The following SNX20 variants were observed in gnomAD, a reference collection of about 807,000 sequenced individuals.
SNX20 encodes sorting nexin-20.
In SNX20, 21 loss-of-function variants were observed where a neutral mutation model predicts 24.5. That is an observed-to-expected ratio of 0.86 (90% CI 0.61 to 1.23). The LOEUF is 1.23. Among genes scored for constraint, SNX20 ranks in the 50% most tolerant of loss-of-function variants. The pLI, the probability that SNX20 is intolerant of heterozygous loss-of-function variation, is 0.00. For missense variants in SNX20, 433 were observed against 430.8 expected, an observed-to-expected ratio of 1.00 and a Z score of -0.04; for synonymous variants, 206 against 192.8, an observed-to-expected ratio of 1.07 and a Z score of -0.57.
downstream of SNX20, chr16:50,668,312 T>C (rs1962962582): frequency 2.2e-6 from 3 of 1,335,944 alleles, no homozygotes; most frequent in Non-Finnish European, 2.9e-6. Flanking sequence ...CTCAGCTTGG[T>C]GATTGCAGGT....
intron 1 of SNX20, among the ~76,000 whole-genome samples, chr16:50,680,752 T>C (rs929409179): frequency 6.6e-5 from 10 of 151,888 alleles, no homozygotes; most frequent in African/African-American, 2.4e-4. Context: ...CCCAACCCAG[T>C]GTGTGTAAGA....
At position 50,675,896 on chromosome 16, in the gene SNX20, G is replaced by A. The variant is rs1299189508; in HGVS notation, c.156C>T (p.Asn52=). The change falls in exon 3 of 4, where the codon AAC becomes AAT. Residue 52 remains asparagine (N), a synonymous_variant. Coordinates refer to ENST00000330943, the MANE Select transcript of SNX20 (RefSeq NM_182854.4). ...GAAGCTCCCGCGTGGTCATGCTGGA[G>A]TTGGAGCTCAGGCCACTGTGTGTGT... ...HLDTHSGLSS[N]SSMTTRELQQ... 1 of 1,611,024 alleles carries A rather than the reference G, an allele frequency of 6.2e-7. No homozygotes were observed.
At chr16:50,677,819 G>A (rs1198135931) in intron 1 of SNX20, among the ~76,000 whole-genome samples, 1 of 152,338 alleles carries the variant, frequency 6.6e-6, no homozygotes, top group African/African-American at 2.4e-5. Context: ...TAAATGAGAT[G>A]ATTTCAAGTA....
At chr16:50,671,055 C>T (rs1166094805), downstream of SNX20, 1 of 152,012 alleles carries the variant, frequency 6.6e-6, no homozygotes, top group African/African-American at 2.4e-5. Context: ...TAAGTATTTT[C>T]TCTCTGTGTG....
At chr16:50,674,139 C>G in intron 3 of SNX20, 65 bp from the exon 4 acceptor site, 3 of 1,514,238 alleles carry the variant, frequency 2.0e-6, no homozygotes, top group South Asian at 1.3e-5. Context: ...CGGAGCACAC[C>G]CAGAGTAAAG....
chr16:50,672,312 T>TG lies in SNX20; in HGVS notation c.*1093_*1094insC, dbSNP rs1963067502. The TG allele has an allele frequency of 6.6e-6, 1 of 152,258 alleles. No individual in the cohort carries two copies. The highest frequency in any genetic ancestry group is 1.9e-4 in the East Asian group (1 of 5,204). 9.4% of individuals were successfully genotyped at this position (152,258 alleles called of 1,614,324 possible). ...GTTTCTACATAACCCAGGGAAGCCA[T>TG]TCAGGGAACAGCTGCCTTATGAATG... On this transcript the variant is annotated 3_prime_UTR_variant, in exon 4 of 4. Transcript: ENST00000330943.
At chr16:50,668,300 G>T, downstream of SNX20, 1 of 1,377,062 alleles carries the variant, frequency 7.3e-7, no homozygotes, top group South Asian at 1.6e-5. Context: ...TCAAAGAGAA[G>T]TCTCAGCTTG....
downstream of SNX20, chr16:50,670,202 G>A (rs1218712975): frequency 6.6e-6 from 1 of 152,308 alleles, no homozygotes; most frequent in Non-Finnish European, 1.5e-5. Flanking sequence ...TATGGTAGAG[G>A]GCCCGGGTGG....
In SNX20 at chr16:50,673,451, T is replaced by C. The variant is rs764990101; in HGVS notation, c.906A>G (p.Arg302=). 1.3e-6 allele frequency: 2 copies of C among 1,595,704 alleles called. No individual in the cohort carries two copies. Among genetic ancestry groups the C allele is most frequent in the South Asian group, 1.1e-5 (1 of 88,902 alleles). The part of the protein sequence containing the change: ...EESQLRRPTP[R]GITLKELTVR... ...CAGTGAGCTCCTTCAGGGTGATGCCTCGGGGCGTGGGCCTCCGGAGCTGGC... is the reference window on the plus strand; with the variant it reads ...CAGTGAGCTCCTTCAGGGTGATGCCCCGGGGCGTGGGCCTCCGGAGCTGGC... Residue 302 remains arginine (R), a synonymous_variant, in exon 4 of 4, where the codon CGA becomes CGG. Coordinates refer to ENST00000330943, the MANE Select transcript of SNX20 (RefSeq NM_182854.4). This position sits in a 1 kb window ranked among gnomAD's most constrained non-coding sequence, Gnocchi z 4.1.
chr16:50,673,804 T>G lies in SNX20; in HGVS notation c.553A>C (p.Thr185Pro). Residue 185 changes from threonine (T) to proline (P), a missense_variant, in exon 4 of 4, where the codon ACG (threonine) becomes CCG (proline). Coordinates refer to ENST00000330943, the MANE Select transcript of SNX20 (RefSeq NM_182854.4). This position sits in a 1 kb window ranked among gnomAD's most constrained non-coding sequence, Gnocchi z 4.1. ...RRSREFLDFL[T>P]RPELREAFGC... ...AAAGCCTCGCGCAGCTCCGGCCGCGTGAGGAAGTCCAGGAACTCCCGGGAG... is the reference window on the plus strand; with the variant it reads ...AAAGCCTCGCGCAGCTCCGGCCGCGGGAGGAAGTCCAGGAACTCCCGGGAG... 1 of 1,589,844 alleles carries G rather than the reference T, an allele frequency of 6.3e-7. No homozygotes were observed. The highest frequency in any genetic ancestry group is 8.5e-7 in the Non-Finnish European group (1 of 1,173,608).
At chr16:50,668,531 A>G, downstream of SNX20, 1 of 1,012,298 alleles carries the variant, frequency 9.9e-7, no homozygotes, top group Non-Finnish European at 1.2e-6. Context: ...TTTCTTTTTC[A>G]AGTAAATGTG....
chr16:50,668,365 CA>C, downstream of SNX20: 1 of 1,098,840 alleles, frequency 9.1e-7, no homozygotes, highest in Non-Finnish European at 1.2e-6. Flanking sequence ...TCTCTTTTAA[CA>C]AAAGTCTACC....
intron 1 of SNX20, among the ~76,000 whole-genome samples, chr16:50,679,797 G>A (rs570053905): frequency 6.6e-5 from 10 of 152,300 alleles, no homozygotes; most frequent in Admixed American, 4.6e-4. Flanking sequence ...GATGGTTTAC[G>A]TGATTCTTGG....
At position 50,675,775 on chromosome 16, in the gene SNX20, A is replaced by C. The variant is rs1963166371; in HGVS notation, c.277T>G (p.Phe93Val). ...ATTTCCCAATCTCTGCTTACCACAA[A>C]CTTAGAGACTTTTCTCTCCTCGATG... is the stretch of plus-strand genomic sequence containing the variant. ...ARIEERKVSKFVVYQIIVIQT... is the reference protein window; with the variant it reads ...ARIEERKVSKVVVYQIIVIQT... Residue 93 changes from phenylalanine to valine, a missense_variant, in exon 3 of 4, where the codon TTT (phenylalanine) becomes GTT (valine). Coordinates refer to ENST00000330943, the MANE Select transcript of SNX20 (RefSeq NM_182854.4). The C allele has an allele frequency of 6.2e-7, 1 of 1,612,794 alleles. No homozygotes were observed. Among genetic ancestry groups the C allele is most frequent in the Non-Finnish European group, 8.5e-7 (1 of 1,179,502 alleles).
intron 3 of SNX20, 87 bp from the exon 4 acceptor site, chr16:50,674,161 G>T: frequency 6.8e-7 from 1 of 1,463,584 alleles, no homozygotes; most frequent in Non-Finnish European, 9.0e-7. Flanking sequence ...TAACCAGGCC[G>T]GTGTAAAGCA....
chr16:50,671,140 CAT>C (rs1491225232), downstream of SNX20: 1 of 127,528 alleles, frequency 7.8e-6, no homozygotes, highest in Non-Finnish European at 1.6e-5. Context: ...TTTTTTTTCA[CAT>C]TTCAGCACCT....
At chr16:50,674,121 G>A (rs986073018) in intron 3 of SNX20, 47 bp from the exon 4 acceptor site, 4 of 1,538,092 alleles carry the variant, frequency 2.6e-6, no homozygotes, top group Admixed American at 2.0e-5. Flanking sequence ...GGCGGGGGCT[G>A]CGGCGGACGG....
chr16:50,680,863 C>T (rs1031508132), intron 1 of SNX20, among the ~76,000 whole-genome samples: 2 of 152,186 alleles, frequency 1.3e-5, no homozygotes, highest in African/African-American at 2.4e-5. Context: ...CTGGATTCTG[C>T]ATTTTCCATG....
chr16:50,668,323 C>A (rs185216078), downstream of SNX20: 1 of 1,287,446 alleles, frequency 7.8e-7, no homozygotes, highest in Non-Finnish European at 1.0e-6. Context: ...GATTGCAGGT[C>A]TCTAATGCTT....
Sources: allele counts gnomAD v4.1 joint callset (sites outside exome capture counted in the v4.1 genomes callset), GRCh38; gene constraint gnomAD v4.1.1; non-coding constraint Gnocchi (gnomAD v3.1); transcripts MANE v1.5; gene names NCBI Gene and HGNC (gene_info 2026-07-23, HGNC 2026-07-21).